The following MPPED2 variants were observed in gnomAD, a reference collection of about 807,000 sequenced individuals.
The protein encoded by MPPED2 is metallophosphoesterase MPPED2.
Under a neutral mutation model 33.0 loss-of-function variants are expected in MPPED2, and 5 were observed. That is an observed-to-expected ratio of 0.15 (90% CI 0.08 to 0.32). The LOEUF is 0.32. Ranked by LOEUF, MPPED2 falls within the 10% of genes least tolerant of loss-of-function variation. The pLI is 1.00. For synonymous variants in MPPED2, 136 were observed against 141.9 expected (o/e 0.96, Z 0.29); for missense variants, 275 against 372.1 (o/e 0.74, Z 2.15).
intron 4 of MPPED2, among the ~76,000 whole-genome samples, chr11:30,470,199 A>T (rs1414390336): frequency 1.3e-5 from 2 of 152,186 alleles, no homozygotes; most frequent in Non-Finnish European, 2.9e-5. Flanking sequence ...CATGATTCTA[A>T]TGTAAGAGGT....
chr11:30,498,422 T>C (rs1952393884), intron 3 of MPPED2, among the ~76,000 whole-genome samples: 1 of 151,612 alleles, frequency 6.6e-6, no homozygotes, highest in South Asian at 2.1e-4. Flanking sequence ...CTATCTCTAC[T>C]AAAAATACAA....
intron 2 of MPPED2, among the ~76,000 whole-genome samples, chr11:30,543,433 C>A (rs1955238963): frequency 6.6e-6 from 1 of 152,194 alleles, no homozygotes; most frequent in Non-Finnish European, 1.5e-5. Flanking sequence ...AGAGGCAAGA[C>A]CAAATGACTC....
rs75606570 is a variant in MPPED2, at chr11:30,551,901, C to T, written c.129-15726G>A. ...AGAAGTAATGAGAATGCACTGAGCACGGTATAAATGACCCATAATTACTGG... is the reference window on the plus strand; with the variant it reads ...AGAAGTAATGAGAATGCACTGAGCATGGTATAAATGACCCATAATTACTGG... On this transcript the variant is annotated intron_variant, in intron 2 of 6. Coordinates refer to ENST00000358117, the MANE Select transcript of MPPED2 (RefSeq NM_001584.3). Among the ~76,000 whole-genome samples, 281 of 152,094 alleles carry T rather than the reference C, an allele frequency of 1.8e-3. 5 individuals are homozygous for T. The East Asian group carries it at 0.047, about 25-fold the overall frequency.
chr11:30,429,723 T>C (rs903195222), intron 4 of MPPED2, among the ~76,000 whole-genome samples: 6 of 152,162 alleles, frequency 3.9e-5, no homozygotes, highest in Non-Finnish European at 7.3e-5. Context: ...AACAAGATCA[T>C]CACAGGCAAA....
chr11:30,417,664 G>A lies in MPPED2; in HGVS notation c.537-31C>T, dbSNP rs755785323. The A allele has an allele frequency of 3.2e-6, 4 of 1,266,520 alleles. No individual in the cohort carries two copies. The South Asian group carries it at 4.8e-5, about 15-fold the overall frequency. 78.5% of individuals were successfully genotyped at this position (1,266,520 alleles called of 1,614,324 possible). A position where few individuals can be genotyped will look rare whatever the true frequency, so the allele number is the denominator to read the frequency against. On this transcript the variant is annotated intron_variant, in intron 4 of 6. Coordinates refer to ENST00000358117, the MANE Select transcript of MPPED2 (RefSeq NM_001584.3). ...GGGGAGATAATGCACATGGTATCAG[G>A]CCAGCAGAGCCACGGCTCCGCTCTG...
chr11:30,390,880 A>G (rs948079053), intron 6 of MPPED2, among the ~76,000 whole-genome samples: 5 of 152,108 alleles, frequency 3.3e-5, no homozygotes, highest in African/African-American at 1.2e-4. Flanking sequence ...TCTTCTAGTC[A>G]ATGAGACCAG....
At chr11:30,493,398 C>T (rs1396542070) in intron 4 of MPPED2, among the ~76,000 whole-genome samples, 2 of 151,518 alleles carry the variant, frequency 1.3e-5, no homozygotes, top group Non-Finnish European at 2.9e-5. Flanking sequence ...GAAAATATCT[C>T]AACCTTTTAA....
chr11:30,567,510 C>G (rs1956498853), intron 2 of MPPED2, among the ~76,000 whole-genome samples: 1 of 151,976 alleles, frequency 6.6e-6, no homozygotes, highest in Admixed American at 6.6e-5. Context: ...TTCCAGCTCC[C>G]AATCTCCTCC....
chr11:30,419,856 G>C (rs1409527529), intron 4 of MPPED2, among the ~76,000 whole-genome samples: 1 of 152,156 alleles, frequency 6.6e-6, no homozygotes, highest in Non-Finnish European at 1.5e-5. Flanking sequence ...ACAAAAAAGA[G>C]AGGACTGTAA....
chr11:30,431,561 G>A (rs946446843), intron 4 of MPPED2, among the ~76,000 whole-genome samples: 4 of 152,140 alleles, frequency 2.6e-5, no homozygotes, highest in Non-Finnish European at 5.9e-5. Context: ...GTAAAGATTA[G>A]GAAACAGCAT....
chr11:30,403,843 G>T (rs951995637), intron 6 of MPPED2, among the ~76,000 whole-genome samples: 1 of 152,124 alleles, frequency 6.6e-6, no homozygotes, highest in Non-Finnish European at 1.5e-5. Context: ...CAGGAAGAAA[G>T]GGCTATATGT....
chr11:30,503,946 A>T (rs528129126), intron 3 of MPPED2, among the ~76,000 whole-genome samples: 2 of 152,174 alleles, frequency 1.3e-5, no homozygotes, highest in Non-Finnish European at 2.9e-5. Flanking sequence ...ATGTGCTAGA[A>T]AAAAAAGCTA....
chr11:30,554,350 T>C (rs976871089), intron 2 of MPPED2, among the ~76,000 whole-genome samples: 1 of 152,216 alleles, frequency 6.6e-6, no homozygotes, highest in East Asian at 1.9e-4. Flanking sequence ...TTTCCTGTTG[T>C]TAAGCTTTGC....
chr11:30,394,035 T>C (rs1251050197), intron 6 of MPPED2, among the ~76,000 whole-genome samples: 1 of 152,236 alleles, frequency 6.6e-6, no homozygotes, highest in Admixed American at 6.5e-5. Flanking sequence ...ATATATCTTT[T>C]GAGACTGTCT....
Position 30,411,028 on chromosome 11 carries a change from A to G in MPPED2, c.*440T>C. ...TGCAAAAAAGAAGCATTACCAAGAA[A>G]ACAACAACAACAAAACATTGAAAAT... On this transcript the variant is annotated 3_prime_UTR_variant, in exon 7 of 7. Coordinates refer to ENST00000358117, the MANE Select transcript of MPPED2 (RefSeq NM_001584.3). The G allele has an allele frequency of 1.0e-6, 1 of 985,646 alleles. No individual in the cohort carries two copies. The highest frequency in any genetic ancestry group is 1.2e-6 in the Non-Finnish European group (1 of 829,754). 61.1% of individuals were successfully genotyped at this position (985,646 alleles called of 1,614,324 possible).
At chr11:30,424,760 C>T (rs1948757011) in intron 4 of MPPED2, among the ~76,000 whole-genome samples, 1 of 152,182 alleles carries the variant, frequency 6.6e-6, no homozygotes, top group South Asian at 2.1e-4. Flanking sequence ...CAAGTCCCTC[C>T]TCTGGGCAGC....
chr11:30,408,017 TCAGA>T (rs1230061702), downstream of MPPED2, among the ~76,000 whole-genome samples: 1 of 152,140 alleles, frequency 6.6e-6, no homozygotes, highest in African/African-American at 2.4e-5. Flanking sequence ...TTACTAGATG[TCAGA>T]CAGTGATCTC....
intron 4 of MPPED2, among the ~76,000 whole-genome samples, chr11:30,464,315 G>A (rs969722138): frequency 3.4e-5 from 5 of 145,632 alleles, no homozygotes; most frequent in South Asian, 2.1e-4. Flanking sequence ...CTTGACTATC[G>A]TCTACATTTC....
At chr11:30,457,097 T>C (rs1950309918) in intron 4 of MPPED2, among the ~76,000 whole-genome samples, 1 of 152,214 alleles carries the variant, frequency 6.6e-6, no homozygotes, top group African/African-American at 2.4e-5. Flanking sequence ...CTTTCACTTA[T>C]ATGACTTCTG....
Sources: allele counts gnomAD v4.1 joint callset (sites outside exome capture counted in the v4.1 genomes callset), GRCh38; gene constraint gnomAD v4.1.1; transcripts MANE v1.5; gene names NCBI Gene and HGNC (gene_info 2026-07-23, HGNC 2026-07-21).